The following MTMR1 variants were observed in gnomAD, a reference collection of about 807,000 sequenced individuals.
The protein encoded by MTMR1 is myotubularin related protein 1, also known as phosphatidylinositol-3-phosphate phosphatase MTMR1.
Under a neutral mutation model 51.6 loss-of-function variants are expected in MTMR1, and 17 were observed. The ratio of observed to expected loss-of-function variants is 0.33; its 90% confidence interval spans 0.23 to 0.49. MTMR1 has a LOEUF of 0.49. Ranked by LOEUF, MTMR1 falls within the 20% of genes least tolerant of loss-of-function variation. The probability of loss-of-function intolerance (pLI) is 0.99; values close to 1 mark genes in which losing one functional copy is unlikely to be tolerated. For missense variants in MTMR1, 386 were observed against 526.9 expected, an observed-to-expected ratio of 0.73 and a Z score of 2.62; for synonymous variants, 201 against 205.6, an observed-to-expected ratio of 0.98 and a Z score of 0.19.
chrX:150,704,539 G>A (rs2148560271), intron 2 of MTMR1, among the ~76,000 whole-genome samples: 1 of 111,822 alleles, frequency 8.9e-6, no homozygotes, highest in African/African-American at 3.2e-5. Flanking sequence ...GGTGTCAGTA[G>A]AGGCCGTATC....
At chrX:150,735,760 C>A (rs1299959948) in intron 10 of MTMR1, 2 of 294,125 alleles carry the variant, frequency 6.8e-6, no homozygotes, top group Admixed American at 6.3e-5. Context: ...CTAATTAACA[C>A]ACCATTTTTT....
At chrX:150,731,155 G>T (rs1331596598) in intron 8 of MTMR1, among the ~76,000 whole-genome samples, 1 of 112,141 alleles carries the variant, frequency 8.9e-6, no homozygotes, top group Non-Finnish European at 1.9e-5. Flanking sequence ...GGACTTTTGA[G>T]TATATTCTCA....
intron 2 of MTMR1, among the ~76,000 whole-genome samples, chrX:150,705,254 T>G (rs1450835265): frequency 4.5e-5 from 5 of 111,396 alleles, no homozygotes; most frequent in Non-Finnish European, 9.4e-5. Flanking sequence ...CTAACACTGA[T>G]GTCGTCAAAG....
intron 6 of MTMR1, among the ~76,000 whole-genome samples, chrX:150,729,776 T>C (rs1395338017): frequency 1.8e-5 from 2 of 111,589 alleles, no homozygotes; most frequent in African/African-American, 6.5e-5. Context: ...CCCAGCACTT[T>C]GGAAGGCCGA....
chrX:150,707,394 C>T (rs1557416095), intron 2 of MTMR1, among the ~76,000 whole-genome samples: 2 of 112,247 alleles, frequency 1.8e-5, no homozygotes, highest in African/African-American at 6.5e-5. Context: ...ACAGTAAAAA[C>T]ATCAAACCAT....
intron 3 of MTMR1, among the ~76,000 whole-genome samples, chrX:150,716,009 G>A (rs1333630468): frequency 8.9e-6 from 1 of 112,359 alleles, no homozygotes; most frequent in Non-Finnish European, 1.9e-5. Context: ...AGCTAGTCCT[G>A]GATTGAGGAC....
At chrX:150,742,211 A>G (rs782077573) in intron 12 of MTMR1, among the ~76,000 whole-genome samples, 7 of 112,299 alleles carry the variant, frequency 6.2e-5, no homozygotes, top group Non-Finnish European at 1.1e-4. Flanking sequence ...TAGATGGATA[A>G]CCTGCTAACA....
At chrX:150,712,860 A>G in intron 3 of MTMR1, 8 of 669,826 alleles carry the variant, frequency 1.2e-5, no homozygotes, top group Non-Finnish European at 1.5e-5. Context: ...TAGCAAAATC[A>G]ATCCCAGTTA....
intron 15 of MTMR1, among the ~76,000 whole-genome samples, chrX:150,756,430 C>G (rs1468677951): frequency 1.8e-5 from 2 of 111,900 alleles, no homozygotes; most frequent in Non-Finnish European, 3.8e-5. Context: ...GTCCGCCAAG[C>G]CTGTGTCCTC....
chrX:150,756,811 T>TG (rs1296679598), intron 15 of MTMR1, among the ~76,000 whole-genome samples: 1 of 111,149 alleles, frequency 9.0e-6, no homozygotes, highest in Non-Finnish European at 1.9e-5. Flanking sequence ...GCACCATGCC[T>TG]GGCTAATTTT....
In MTMR1 at chrX:150,693,521, T is replaced by C. The variant is rs1231333551; in HGVS notation, c.-10T>C. On this transcript the variant is annotated 5_prime_UTR_variant, in exon 1 of 16. Transcript: ENST00000445323. ...GGCGGCTTCCCCAAGGCGGCAGGAC[T>C]CGGCGCGCCATGGACAGGCCGGCGG... 27 of 758,040 alleles carry C rather than the reference T, an allele frequency of 3.6e-5. No individual in the cohort carries two copies. Among genetic ancestry groups the C allele is most frequent in the Non-Finnish European group, 2.6e-5 (17 of 643,171 alleles). The allele number at this position is 758,040 out of a possible 1,213,427, so 62.5% of individuals were successfully genotyped here.
chrX:150,734,691 G>T (rs2042214807), intron 10 of MTMR1, among the ~76,000 whole-genome samples: 1 of 112,629 alleles, frequency 8.9e-6, no homozygotes, highest in Non-Finnish European at 1.9e-5. Context: ...GGCAGTATAT[G>T]TGTCTAGGAA....
chrX:150,760,600 C>A (rs2043081651), intron 15 of MTMR1, among the ~76,000 whole-genome samples: 1 of 111,990 alleles, frequency 8.9e-6, no homozygotes, highest in Non-Finnish European at 1.9e-5. Context: ...TCTATTCCTT[C>A]AGGCATGCCC....
At chrX:150,746,820 C>A (rs1376014324) in intron 13 of MTMR1, among the ~76,000 whole-genome samples, 4 of 112,431 alleles carry the variant, frequency 3.6e-5, no homozygotes, top group Non-Finnish European at 7.5e-5. Flanking sequence ...TAATTAATTT[C>A]TTTTAAAATT....
chrX:150,759,279 C>T (rs925697112), intron 15 of MTMR1, among the ~76,000 whole-genome samples: 1 of 112,405 alleles, frequency 8.9e-6, no homozygotes, highest in African/African-American at 3.2e-5. Flanking sequence ...TTATTCTGTC[C>T]TGGGTGGCTT....
At chrX:150,698,061 C>T (rs1210029445) in intron 1 of MTMR1, among the ~76,000 whole-genome samples, 4 of 111,628 alleles carry the variant, frequency 3.6e-5, no homozygotes, top group African/African-American at 9.8e-5. Flanking sequence ...GAGGCCAAGG[C>T]GGGTGGATCA....
At chrX:150,730,310 CT>C in intron 7 of MTMR1, 100 bp downstream of exon 7, 2 of 591,304 alleles carry the variant, frequency 3.4e-6, no homozygotes, top group South Asian at 4.5e-5. Flanking sequence ...TTTTTCCTCT[CT>C]TTTTTCCTCT....
At chrX:150,759,445 A>G in intron 15 of MTMR1, among the ~76,000 whole-genome samples, 1 of 111,729 alleles carries the variant, frequency 9.0e-6, no homozygotes, top group South Asian at 3.8e-4. Flanking sequence ...AAAATCCAAC[A>G]GAACCATGCC....
rs782649448 is a variant in MTMR1, at chrX:150,703,110, T to C, written c.252+3810T>C. 1.4e-3 allele frequency among the ~76,000 whole-genome samples: 161 copies of C among 112,486 alleles called. No individual in the cohort carries two copies. In the Middle Eastern group the frequency reaches 0.018, roughly 13 times the overall value. On this transcript the variant is annotated intron_variant, in intron 2 of 15. Coordinates refer to ENST00000445323, the MANE Select transcript of MTMR1 (RefSeq NM_001306144.3). ...TGAATGTAATCTTCTGTAGATTAGA[T>C]GAAATAATACAGTTACAAATGGAAA... is the stretch of plus-strand genomic sequence containing the variant.
Sources: allele counts gnomAD v4.1 joint callset (sites outside exome capture counted in the v4.1 genomes callset), GRCh38; gene constraint gnomAD v4.1.1; transcripts MANE v1.5; gene names NCBI Gene and HGNC (gene_info 2026-07-23, HGNC 2026-07-21).